Variants in MAGI3 observed in about 807,000 individuals in gnomAD.
MAGI3 encodes the protein membrane associated guanylate kinase, WW and PDZ domain containing 3, also known as membrane-associated guanylate kinase, WW and PDZ domain-containing protein 3.
MAGI3 carries 43 observed loss-of-function variants against 121.8 expected under a neutral mutation model. That is an observed-to-expected ratio of 0.35 (90% confidence interval 0.28 to 0.46). MAGI3 has a LOEUF of 0.46. Ranked by LOEUF, MAGI3 falls within the 20% of genes least tolerant of loss-of-function variation. The pLI is 1.00. For synonymous variants in MAGI3, 553 were observed against 639.3 expected, an observed-to-expected ratio of 0.86 and a Z score of 2.04; for missense variants, 1,547 against 1,797.3, an observed-to-expected ratio of 0.86 and a Z score of 2.52.
intron 15 of MAGI3, among the ~76,000 whole-genome samples, chr1:113,655,681 A>C (rs1653429583): frequency 6.6e-6 from 1 of 152,180 alleles, no homozygotes; most frequent in African/African-American, 2.4e-5. Context: ...GTAATCCAAC[A>C]AACTTGGATT....
intron 1 of MAGI3, among the ~76,000 whole-genome samples, chr1:113,413,939 G>A (rs1374814503): frequency 6.6e-6 from 1 of 152,098 alleles, no homozygotes; most frequent in Admixed American, 6.5e-5. Context: ...GTGAGAGAGG[G>A]CATCCCTGTC....
At chr1:113,462,402 TTTG>T (rs1294486859) in intron 1 of MAGI3, among the ~76,000 whole-genome samples, 22 of 152,224 alleles carry the variant, frequency 1.4e-4, no homozygotes, top group Non-Finnish European at 2.9e-5. Context: ...AATCATGTCT[TTTG>T]TGAGAACATG....
intron 1 of MAGI3, among the ~76,000 whole-genome samples, chr1:113,497,274 G>A (rs1656972545): frequency 8.3e-6 from 1 of 120,852 alleles, no homozygotes; most frequent in Non-Finnish European, 1.8e-5. Flanking sequence ...CAGAAGACGG[G>A]TGATTTCTGC....
In MAGI3 at chr1:113,641,984, A is replaced by G. The variant is rs762539471; in HGVS notation, c.1434A>G (p.Gln478=). The G allele has an allele frequency of 1.7e-5, 28 of 1,613,802 alleles. No homozygotes were observed. Among genetic ancestry groups the G allele is most frequent in the African/African-American group, 5.3e-5 (4 of 74,932 alleles). The change falls in exon 10 of 21, where the codon CAA becomes CAG. Residue 478 remains glutamine, a synonymous_variant. Transcript: ENST00000307546. ...HTHADVVQMF[Q]LVPVNQYVNL... ...ATGCAGATGTTGTCCAGATGTTTCAATTGGTACCTGTCAATCAGTATGTAA... is the reference window on the plus strand; with the variant it reads ...ATGCAGATGTTGTCCAGATGTTTCAGTTGGTACCTGTCAATCAGTATGTAA...
intron 2 of MAGI3, among the ~76,000 whole-genome samples, chr1:113,569,855 A>G (rs975525700): frequency 2.6e-5 from 4 of 152,156 alleles, no homozygotes; most frequent in African/African-American, 7.2e-5. Context: ...TCAGAATATA[A>G]AGAATTATAA....
chr1:113,411,994 G>A (rs1030362084), intron 1 of MAGI3, among the ~76,000 whole-genome samples: 8 of 151,774 alleles, frequency 5.3e-5, no homozygotes, highest in African/African-American at 1.9e-4. Flanking sequence ...ATTTACATTA[G>A]GTATTTCTCC....
chr1:113,580,434 A>G (rs1647947760), intron 2 of MAGI3, 108 bp from the exon 3 acceptor site: 2 of 939,468 alleles, frequency 2.1e-6, no homozygotes, highest in Admixed American at 3.1e-5. Flanking sequence ...GGGCAGGGGA[A>G]TGAAACATCT....
At chr1:113,458,827 A>G (rs1157846255) in intron 1 of MAGI3, among the ~76,000 whole-genome samples, 2 of 152,196 alleles carry the variant, frequency 1.3e-5, no homozygotes, top group Non-Finnish European at 2.9e-5. Context: ...TGCAGATATT[A>G]CAGGTGTGAG....
intron 9 of MAGI3, among the ~76,000 whole-genome samples, chr1:113,641,118 GAGATATATATT>G (rs1348304903): frequency 2.5e-5 from 2 of 79,064 alleles, no homozygotes; most frequent in African/African-American, 4.4e-5. Flanking sequence ...AAATATATAT[GAGATATATATT>G]ATATATATGA....
intron 1 of MAGI3, among the ~76,000 whole-genome samples, chr1:113,394,277 G>T (rs1454389215): frequency 6.6e-6 from 1 of 152,094 alleles, no homozygotes; most frequent in Non-Finnish European, 1.5e-5. Flanking sequence ...AATCAATTAG[G>T]TAGTTTCTTA....
At chr1:113,447,668 A>C (rs934508267) in intron 1 of MAGI3, among the ~76,000 whole-genome samples, 3 of 152,154 alleles carry the variant, frequency 2.0e-5, no homozygotes, top group African/African-American at 7.2e-5. Context: ...AACCTGGCCA[A>C]AATTGTGAAA....
intron 1 of MAGI3, among the ~76,000 whole-genome samples, chr1:113,470,992 C>T (rs954378546): frequency 6.6e-6 from 1 of 152,088 alleles, no homozygotes; most frequent in Non-Finnish European, 1.5e-5. Flanking sequence ...AACTCATTGC[C>T]CAGACCAATG....
intron 1 of MAGI3, among the ~76,000 whole-genome samples, chr1:113,434,545 G>A (rs1396894706): frequency 6.6e-6 from 1 of 152,152 alleles, no homozygotes; most frequent in African/African-American, 2.4e-5. Context: ...CAAATTCAAG[G>A]GATGGAACAA....
At position 113,421,124 on chromosome 1, in the gene MAGI3, T is replaced by A. The variant is rs1046288488; in HGVS notation, c.316+29775T>A. On this transcript the variant is annotated intron_variant, in intron 1 of 20. Transcript: ENST00000307546. Reference sequence around the variant, plus strand: ...CTGGCATAGTGCAGCATCATGGTATTTACCTTTTTTCCCTGAGGCTGTTGT... The same window carrying A: ...CTGGCATAGTGCAGCATCATGGTATATACCTTTTTTCCCTGAGGCTGTTGT... Among the ~76,000 whole-genome samples the A allele has an allele frequency of 3.9e-5, 6 of 152,274 alleles. No individual in the cohort carries two copies. In the East Asian group the frequency reaches 9.6e-4, roughly 24 times the overall value.
chr1:113,603,733 C>T (rs867222868), intron 6 of MAGI3, among the ~76,000 whole-genome samples: 10 of 151,834 alleles, frequency 6.6e-5, no homozygotes, highest in East Asian at 3.9e-4. Flanking sequence ...ATTATGCATC[C>T]GACAAAGGAC....
chr1:113,592,098 A>C (rs2101737408), intron 5 of MAGI3, among the ~76,000 whole-genome samples: 1 of 152,246 alleles, frequency 6.6e-6, no homozygotes, highest in African/African-American at 2.4e-5. Flanking sequence ...TCAAACTTAA[A>C]AATTTCTGCA....
intron 9 of MAGI3, among the ~76,000 whole-genome samples, chr1:113,641,037 TA>T (rs1652457709): frequency 7.7e-6 from 1 of 129,918 alleles, no homozygotes; most frequent in African/African-American, 2.9e-5. Context: ...ATATGATATA[TA>T]TAATATATAT....
intron 1 of MAGI3, among the ~76,000 whole-genome samples, chr1:113,475,263 T>G (rs1655755809): frequency 1.3e-5 from 2 of 152,216 alleles, no homozygotes; most frequent in South Asian, 4.1e-4. Flanking sequence ...AGCCAGAACT[T>G]CCAACACTGT....
At chr1:113,454,516 C>CT (rs1446008991) in intron 1 of MAGI3, among the ~76,000 whole-genome samples, 1 of 152,002 alleles carries the variant, frequency 6.6e-6, no homozygotes, top group Non-Finnish European at 1.5e-5. Context: ...TTTTATTATA[C>CT]TTTAAGTTCT....
Sources: allele counts gnomAD v4.1 joint callset (sites outside exome capture counted in the v4.1 genomes callset), GRCh38; gene constraint gnomAD v4.1.1; transcripts MANE v1.5; gene names NCBI Gene and HGNC (gene_info 2026-07-23, HGNC 2026-07-21).